Variants in TAFA2 observed in about 807,000 individuals in gnomAD.
TAFA2 encodes chemokine-like protein TAFA-2.
Under a neutral mutation model 18.8 loss-of-function variants are expected in TAFA2, and 7 were observed. The observed-to-expected ratio is 0.37, with a 90% CI of 0.21 to 0.70. TAFA2 has a LOEUF of 0.70. Ranked by LOEUF, TAFA2 falls within the 30% of genes least tolerant of loss-of-function variation. The pLI is 0.53. For missense variants in TAFA2, 122 were observed against 158.1 expected, an observed-to-expected ratio of 0.77 and a Z score of 1.23; for synonymous variants, 60 against 54.2, an observed-to-expected ratio of 1.11 and a Z score of -0.47.
At chr12:61,735,904 G>A (rs1343779495) in intron 4 of TAFA2, among the ~76,000 whole-genome samples, 1 of 151,978 alleles carries the variant, frequency 6.6e-6, no homozygotes, top group Non-Finnish European at 1.5e-5. Flanking sequence ...TCTTTCCAGA[G>A]AAGAATTACA....
At chr12:62,002,857 T>C (rs1880423980) in intron 1 of TAFA2, among the ~76,000 whole-genome samples, 1 of 152,126 alleles carries the variant, frequency 6.6e-6, no homozygotes, top group South Asian at 2.1e-4. Context: ...GTTGCATCTT[T>C]CTATCTTTCT....
chr12:61,880,945 C>A (rs1875106082), intron 1 of TAFA2, among the ~76,000 whole-genome samples: 2 of 152,158 alleles, frequency 1.3e-5, no homozygotes, highest in South Asian at 4.1e-4. Flanking sequence ...CTTCCCCATA[C>A]CTCCAGCTAC....
intron 2 of TAFA2, among the ~76,000 whole-genome samples, chr12:61,797,726 A>G (rs1414668510): frequency 6.6e-6 from 1 of 152,108 alleles, no homozygotes. Flanking sequence ...ATCTTCCACA[A>G]AGGGAAGAGA....
intron 2 of TAFA2, among the ~76,000 whole-genome samples, chr12:61,856,746 T>C (rs1873901748): frequency 6.6e-6 from 1 of 151,938 alleles, no homozygotes; most frequent in Admixed American, 6.6e-5. Context: ...TTTGAGTCAT[T>C]TGACCTAGTA....
At chr12:62,080,520 G>GA (rs60069379) in intron 1 of TAFA2, among the ~76,000 whole-genome samples, 34,289 of 144,776 alleles carry the variant, frequency 0.24, 4,255 homozygotes, top group East Asian at 0.47. Context: ...AGAAAGAAAA[G>GA]AAAAAAAAAA....
At chr12:61,811,972 T>C (rs922393180) in intron 2 of TAFA2, among the ~76,000 whole-genome samples, 10 of 151,478 alleles carry the variant, frequency 6.6e-5, no homozygotes, top group Middle Eastern at 3.4e-3. Flanking sequence ...TAGTTTATAA[T>C]GAGACTGAAA....
At chr12:61,727,042 A>G (rs1870200749) in intron 4 of TAFA2, among the ~76,000 whole-genome samples, 2 of 151,912 alleles carry the variant, frequency 1.3e-5, no homozygotes, top group South Asian at 4.2e-4. Flanking sequence ...ATTGACTTCC[A>G]TATGTTAAGC....
chr12:62,147,318 G>A (rs796395157), intron 1 of TAFA2, among the ~76,000 whole-genome samples: 90 of 87,536 alleles, frequency 1.0e-3, no homozygotes, highest in African/African-American at 2.1e-3. Context: ...GTGTGTGTGT[G>A]TATGTATGTA....
At chr12:61,849,422 T>C (rs2121155253) in intron 2 of TAFA2, among the ~76,000 whole-genome samples, 1 of 152,350 alleles carries the variant, frequency 6.6e-6, no homozygotes, top group South Asian at 2.1e-4. Context: ...ATGTTCACCA[T>C]GAGTGATCAT....
chr12:61,952,188 A>G (rs1208021672), intron 1 of TAFA2, among the ~76,000 whole-genome samples: 1 of 152,168 alleles, frequency 6.6e-6, no homozygotes, highest in Admixed American at 6.6e-5. Context: ...AGACAGATGT[A>G]GCCAAGACAG....
intron 2 of TAFA2, among the ~76,000 whole-genome samples, chr12:61,830,647 T>C (rs1054348673): frequency 6.6e-6 from 1 of 151,960 alleles, no homozygotes; most frequent in Non-Finnish European, 1.5e-5. Context: ...ATGAATACAA[T>C]GTATACTATT....
intron 2 of TAFA2, among the ~76,000 whole-genome samples, chr12:61,756,735 G>T (rs1869291385): frequency 6.6e-6 from 1 of 152,062 alleles, no homozygotes; most frequent in African/African-American, 2.4e-5. Context: ...GAGTAATTTT[G>T]TAGGAAGGGA....
chr12:62,014,710 TAAAG>T (rs1400776495), intron 1 of TAFA2, among the ~76,000 whole-genome samples: 1 of 152,198 alleles, frequency 6.6e-6, no homozygotes, highest in Non-Finnish European at 1.5e-5. Context: ...AAACAGGCCA[TAAAG>T]AAACTTGAAG....
chr12:61,953,830 G>A (rs1878553309), intron 1 of TAFA2, among the ~76,000 whole-genome samples: 1 of 152,170 alleles, frequency 6.6e-6, no homozygotes. Flanking sequence ...GACAAGATCA[G>A]ACACAGACAT....
chr12:61,801,694 T>G (rs1024324204), intron 2 of TAFA2, among the ~76,000 whole-genome samples: 2 of 152,020 alleles, frequency 1.3e-5, no homozygotes, highest in South Asian at 4.1e-4. Flanking sequence ...AGGACATTGG[T>G]TGAGCCAAAG....
chr12:62,228,421 C>G (rs2062797450), intron 1 of TAFA2, among the ~76,000 whole-genome samples: 1 of 152,150 alleles, frequency 6.6e-6, no homozygotes, highest in Non-Finnish European at 1.5e-5. Context: ...ATTGCTGGAT[C>G]AAATGGTATT....
chr12:62,023,038 T>A (rs1881197057), intron 1 of TAFA2, among the ~76,000 whole-genome samples: 2 of 152,208 alleles, frequency 1.3e-5, no homozygotes, highest in South Asian at 4.1e-4. Context: ...TGAGTTGATG[T>A]TCTGGTAAGA....
intron 2 of TAFA2, among the ~76,000 whole-genome samples, chr12:61,796,522 C>T (rs1008211816): frequency 1.1e-4 from 16 of 151,818 alleles, no homozygotes; most frequent in African/African-American, 3.9e-4. Context: ...AATGGTTGCC[C>T]GTGAATTGGG....
At chr12:61,876,844 T>C (rs1194422859) in intron 1 of TAFA2, among the ~76,000 whole-genome samples, 1 of 152,186 alleles carries the variant, frequency 6.6e-6, no homozygotes, top group Non-Finnish European at 1.5e-5. Context: ...GAATAATAGT[T>C]TAAGCAAAAT....
Sources: allele counts gnomAD v4.1 joint callset (sites outside exome capture counted in the v4.1 genomes callset), GRCh38; gene constraint gnomAD v4.1.1; transcripts MANE v1.5; gene names NCBI Gene and HGNC (gene_info 2026-07-23, HGNC 2026-07-21).